ACP6: variants seen among roughly 807,000 people sequenced by gnomAD.
ACP6 encodes acid phosphatase 6, lysophosphatidic, also known as lysophosphatidic acid phosphatase type 6.
In ACP6, 48 loss-of-function variants were observed where a neutral mutation model predicts 48.1. The observed-to-expected ratio is 1.00, with a 90% CI of 0.79 to 1.27. ACP6 has a LOEUF of 1.27. Among genes scored for constraint, ACP6 ranks in the 50% most tolerant of loss-of-function variants. The pLI, the probability that ACP6 is intolerant of heterozygous loss-of-function variation, is 0.00. For missense variants in ACP6, 485 were observed against 529.1 expected (o/e 0.92, Z 0.82); for synonymous variants, 172 against 204.2 (o/e 0.84, Z 1.34).
At chr1:147,649,656 A>T (rs587640945) in intron 8 of ACP6, among the ~76,000 whole-genome samples, 1 of 152,072 alleles carries the variant, frequency 6.6e-6, no homozygotes, top group Non-Finnish European at 1.5e-5. Flanking sequence ...GTTGGCCAGG[A>T]TGTTTTCAAT....
intron 1 of ACP6, among the ~76,000 whole-genome samples, chr1:147,662,710 C>T (rs11240098): frequency 0.098 from 14,961 of 152,242 alleles, 1,029 homozygotes; most frequent in East Asian, 0.33. Context: ...GTTGAAATTA[C>T]AACAATGGAT....
intron 3 of ACP6, 144 bp from the exon 4 acceptor site, chr1:147,659,183 G>A: frequency 9.4e-7 from 1 of 1,061,378 alleles, no homozygotes; most frequent in Admixed American, 2.8e-5. Context: ...ACTTTTCTGT[G>A]GGATGTCAGC....
rs587710754 is a variant in ACP6, at chr1:147,667,961, G to T, written c.219+1869C>A. On this transcript the variant is annotated intron_variant, in intron 1 of 9. Coordinates refer to ENST00000583509, the MANE Select transcript of ACP6 (RefSeq NM_016361.5). ...GCCGAGATCGCGTCACTGCACTCCA[G>T]CCTTGCAACAGAACAAGATTCTGTC... Among the ~76,000 whole-genome samples the T allele has an allele frequency of 4.1e-5, 6 of 147,628 alleles. No homozygotes were observed. The East Asian group carries it at 1.2e-3, about 30-fold the overall frequency.
chr1:147,633,195 G>T lies in ACP6; in HGVS notation c.461-2130C>A, dbSNP rs1008963672. 2.8e-4 allele frequency among the ~76,000 whole-genome samples: 42 copies of T among 152,144 alleles called. 1 individual carries two copies. The highest frequency in any genetic ancestry group is 2.4e-5 in the African/African-American group (1 of 41,410). Reference sequence around the variant, plus strand: ...CCATTCATCCCAATTCTGACTGTAGGAGTAAATACAGAATAAGAGCAGTCC... The same window carrying T: ...CCATTCATCCCAATTCTGACTGTAGTAGTAAATACAGAATAAGAGCAGTCC... On this transcript the variant is annotated intron_variant, in intron 5 of 5. Transcript: ENST00000609196.
intron 7 of ACP6, chr1:147,651,608 G>A (rs1417813355): frequency 6.6e-6 from 1 of 152,110 alleles, no homozygotes; most frequent in African/African-American, 2.4e-5. Flanking sequence ...GTGGCAGCAA[G>A]CTGTGTGGCT....
intron 7 of ACP6, 161 bp from the exon 8 acceptor site, chr1:147,650,399 G>A (rs1271348873): frequency 2.4e-5 from 13 of 541,806 alleles, no homozygotes; most frequent in South Asian, 2.4e-4. Context: ...AAATGGCACC[G>A]AGTCCGGTCT....
intron 5 of ACP6, among the ~76,000 whole-genome samples, chr1:147,634,107 T>G (rs1659239071): frequency 6.6e-6 from 1 of 152,246 alleles, no homozygotes; most frequent in Non-Finnish European, 1.5e-5. Flanking sequence ...CCACTAAGAA[T>G]GTACAAGGGT....
chr1:147,669,923 C>G lies in ACP6; in HGVS notation c.126G>C (p.Pro42=). The change falls in exon 1 of 10, where the codon CCG becomes CCC. Residue 42 remains proline (P), a synonymous_variant. Coordinates refer to ENST00000583509, the MANE Select transcript of ACP6 (RefSeq NM_016361.5). ...AELQEADGQC[P]VDRSLLKLKM... is the part of the protein sequence containing the mutation. ...TCAACTTCAGCAGGCTGCGGTCGAC[C>G]GGACACTGGCCATCGGCCTCCTGCA... 6.3e-7 allele frequency: 1 copy of G among 1,574,874 alleles called. No homozygotes were observed.
At chr1:147,652,702 G>A in intron 6 of ACP6, 153 bp from the exon 7 acceptor site, 2 of 1,522,494 alleles carry the variant, frequency 1.3e-6, no homozygotes, top group African/African-American at 1.4e-5. Context: ...AGGTCAAGAA[G>A]CTATGTCTCT....
intron 1 of ACP6, among the ~76,000 whole-genome samples, chr1:147,666,573 T>G: frequency 6.6e-6 from 1 of 152,230 alleles, no homozygotes; most frequent in Non-Finnish European, 1.5e-5. Flanking sequence ...AGTCCCAACC[T>G]GGGATAACCG....
Position 147,644,066 on chromosome 1 carries a change from G to A in ACP6, c.*3357C>T, listed in dbSNP as rs2148900423. The A allele has an allele frequency of 6.6e-6, 1 of 152,234 alleles. No homozygotes were observed. Among genetic ancestry groups the A allele is most frequent in the East Asian group, 1.9e-4 (1 of 5,168 alleles). The allele number at this position is 152,234 out of a possible 1,614,324, so 9.4% of individuals were successfully genotyped here. A position where few individuals can be genotyped will look rare whatever the true frequency, so the allele number is the denominator to read the frequency against. ...TTAGGCTCCACCTCCCAGTAACATT[G>A]TACTGGGCACTAAGTGTCAACATCA... On this transcript the variant is annotated 3_prime_UTR_variant, in exon 10 of 10. Coordinates refer to ENST00000583509, the MANE Select transcript of ACP6 (RefSeq NM_016361.5).
intron 4 of ACP6, among the ~76,000 whole-genome samples, chr1:147,656,078 G>A (rs1173520474): frequency 3.9e-5 from 6 of 152,252 alleles, no homozygotes; most frequent in Middle Eastern, 3.4e-3. Context: ...AGTCCCAAAG[G>A]GGTATTTATT....
intron 5 of ACP6, among the ~76,000 whole-genome samples, chr1:147,631,527 A>G (rs1488006813): frequency 6.6e-6 from 1 of 152,230 alleles, no homozygotes; most frequent in Admixed American, 6.5e-5. Context: ...CTTAAAAAGT[A>G]TGAATTGGCT....
intron 1 of ACP6, among the ~76,000 whole-genome samples, chr1:147,666,805 G>C (rs587768726): frequency 6.6e-6 from 1 of 152,274 alleles, no homozygotes; most frequent in South Asian, 2.1e-4. Flanking sequence ...CTGAAGAATG[G>C]GTGGACCTCA....
At chr1:147,663,195 C>T (rs1361772) in intron 1 of ACP6, among the ~76,000 whole-genome samples, 213 of 152,214 alleles carry the variant, frequency 1.4e-3, no homozygotes, top group African/African-American at 4.6e-3. Flanking sequence ...GTGGTCTAGA[C>T]CTGAATCTGC....
chr1:147,669,859 G>A lies in ACP6; in HGVS notation c.190C>T (p.Pro64Ser). The A allele has an allele frequency of 6.3e-7, 1 of 1,597,882 alleles. No homozygotes were observed. The highest frequency in any genetic ancestry group is 1.3e-5 in the African/African-American group (1 of 74,774). ...TCCTCCAGCGGGAGCGGCTTGAGAG[G>A]ACTCCGAGCCCCGTGTCGAAACACG... is the stretch of plus-strand genomic sequence containing the variant. ...QVVFRHGARSPLKPLPLEEQV... is the reference protein window; with the variant it reads ...QVVFRHGARSSLKPLPLEEQV... Residue 64 changes from proline to serine, a missense_variant, in exon 1 of 10, where the codon CCT becomes TCT. By Grantham distance (74) the Pro-to-Ser change is moderately conservative. Transcript: ENST00000583509.
At chr1:147,640,483 T>C (rs1321785521), downstream of ACP6, among the ~76,000 whole-genome samples, 2 of 152,230 alleles carry the variant, frequency 1.3e-5, no homozygotes, top group Admixed American at 6.5e-5. Flanking sequence ...CTTATATTTG[T>C]ATAACACTTT....
chr1:147,654,058 C>T (rs1429907884), intron 6 of ACP6, 136 bp downstream of exon 6: 3 of 1,429,544 alleles, frequency 2.1e-6, no homozygotes, highest in African/African-American at 2.9e-5. Flanking sequence ...TCAGTCCCCA[C>T]ACCCATTCTA....
chr1:147,670,248 G>C lies in ACP6; in HGVS notation c.-200C>G. The C allele has an allele frequency of 1.8e-6, 1 of 544,780 alleles. No individual in the cohort carries two copies. Among genetic ancestry groups the C allele is most frequent in the Non-Finnish European group, 3.2e-6 (1 of 309,210 alleles). 33.7% of individuals were successfully genotyped at this position (544,780 alleles called of 1,614,324 possible). On this transcript the variant is annotated 5_prime_UTR_variant, in exon 1 of 10. Coordinates refer to ENST00000583509, the MANE Select transcript of ACP6 (RefSeq NM_016361.5). ...GTGGGAACGGGGGAGAGAACAAGAG[G>C]TGGCAGCAGCGAAGAGTCCCTGGGA...
Sources: gnomAD v4.1 joint callset for allele counts (sites outside exome capture counted in the v4.1 genomes callset) on GRCh38, gnomAD v4.1.1 for gene constraint, MANE v1.5 for transcripts, NCBI Gene and HGNC (gene_info 2026-07-23, HGNC 2026-07-21) for gene names.